The following CHSY3 variants were observed in gnomAD, a reference collection of about 807,000 sequenced individuals.
CHSY3 encodes the protein chondroitin sulfate synthase 3.
In CHSY3, 35 loss-of-function variants were observed where a neutral mutation model predicts 67.2. The observed-to-expected ratio is 0.52, with a 90% CI of 0.40 to 0.69. CHSY3 has a LOEUF of 0.69. Among genes scored for constraint, CHSY3 ranks in the 30% least tolerant of loss-of-function variants. The pLI is 0.00. For synonymous variants in CHSY3, 474 were observed against 434.7 expected (o/e 1.09, Z -1.12); for missense variants, 1,069 against 1,138.5 (o/e 0.94, Z 0.88).
At chr5:130,178,533 T>G (rs1476182031) in intron 2 of CHSY3, among the ~76,000 whole-genome samples, 5 of 152,012 alleles carry the variant, frequency 3.3e-5, no homozygotes, top group Admixed American at 3.3e-4. Context: ...ATTACAGGCG[T>G]GAGCCACAGC....
At chr5:130,094,507 C>T (rs1766984353) in intron 2 of CHSY3, among the ~76,000 whole-genome samples, 1 of 152,024 alleles carries the variant, frequency 6.6e-6, no homozygotes, top group South Asian at 2.1e-4. Context: ...GAAGTAAAAG[C>T]TTGTTTTTGT....
chr5:130,130,148 T>C, intron 2 of CHSY3, among the ~76,000 whole-genome samples: 1 of 152,254 alleles, frequency 6.6e-6, no homozygotes, highest in South Asian at 2.1e-4. Context: ...ATATATATTT[T>C]TAATTTGCAT....
chr5:129,952,379 T>G (rs940957859), intron 2 of CHSY3, among the ~76,000 whole-genome samples: 3 of 152,198 alleles, frequency 2.0e-5, no homozygotes, highest in African/African-American at 7.2e-5. Flanking sequence ...TCAAATATGC[T>G]TTTTATTAAT....
intron 2 of CHSY3, among the ~76,000 whole-genome samples, chr5:129,936,823 A>T (rs1054339255): frequency 6.6e-6 from 1 of 152,208 alleles, no homozygotes; most frequent in African/African-American, 2.4e-5. Flanking sequence ...GTTGCCCTGC[A>T]TTCTGGCCAT....
chr5:130,077,811 A>G (rs1309460008), intron 2 of CHSY3, among the ~76,000 whole-genome samples: 1 of 150,836 alleles, frequency 6.6e-6, no homozygotes, highest in African/African-American at 2.5e-5. Context: ...ATATATATAT[A>G]CACACATATA....
intron 2 of CHSY3, among the ~76,000 whole-genome samples, chr5:130,151,721 G>A (rs1334528648): frequency 1.3e-5 from 2 of 152,078 alleles, no homozygotes; most frequent in East Asian, 3.9e-4. Context: ...AAAACTACCA[G>A]ATCTTATGAG....
intron 2 of CHSY3, among the ~76,000 whole-genome samples, chr5:130,030,968 T>C (rs1040667114): frequency 1.3e-5 from 2 of 152,106 alleles, no homozygotes; most frequent in African/African-American, 4.8e-5. Flanking sequence ...AGTTTTTACT[T>C]TTTTTAATTT....
chr5:130,135,440 T>C (rs527355321), intron 2 of CHSY3, among the ~76,000 whole-genome samples: 1 of 152,268 alleles, frequency 6.6e-6, no homozygotes, highest in African/African-American at 2.4e-5. Context: ...AGGTTTATCC[T>C]TAGAAAATCA....
intron 2 of CHSY3, among the ~76,000 whole-genome samples, chr5:130,087,375 A>T (rs1237982067): frequency 6.6e-6 from 1 of 152,192 alleles, no homozygotes; most frequent in Non-Finnish European, 1.5e-5. Context: ...CAGGGCAATT[A>T]GGCAGGAGAA....
At chr5:130,069,338 T>C (rs765988300) in intron 2 of CHSY3, among the ~76,000 whole-genome samples, 17 of 151,958 alleles carry the variant, frequency 1.1e-4, no homozygotes, top group Non-Finnish European at 2.4e-4. Flanking sequence ...TCTTATGAAC[T>C]TAAATAAACC....
intron 2 of CHSY3, among the ~76,000 whole-genome samples, chr5:129,970,780 G>A (rs1762619976): frequency 6.6e-6 from 1 of 151,764 alleles, no homozygotes; most frequent in Admixed American, 6.6e-5. Context: ...AGCTACTCTA[G>A]GCTATAAAAC....
rs986615053 is a variant in CHSY3 at position 130,119,520 on chromosome 5, T to C, written c.1087-64709T>C. On this transcript the variant is annotated intron_variant, in intron 2 of 2. Coordinates refer to ENST00000305031, the MANE Select transcript of CHSY3 (RefSeq NM_175856.5). ...AGGGAGGAGCTCCCCATGGCCACTT[T>C]TTCCCTCTCCCACTGGCAGCAGCAC... Among the ~76,000 whole-genome samples, 4 of 152,056 alleles carry C rather than the reference T, an allele frequency of 2.6e-5. No individual in the cohort carries two copies. In the South Asian group the frequency reaches 8.3e-4, roughly 32 times the overall value.
chr5:130,004,312 T>C lies in CHSY3; in HGVS notation c.1086+95952T>C, dbSNP rs538068601. On this transcript the variant is annotated intron_variant, in intron 2 of 2. Transcript: ENST00000305031. ...CTGCTGAGTGGCAAATAATGAATAATGCAATGTCTTTCTTTAAATAAGCTT... is the reference window on the plus strand; with the variant it reads ...CTGCTGAGTGGCAAATAATGAATAACGCAATGTCTTTCTTTAAATAAGCTT... 1.6e-4 allele frequency among the ~76,000 whole-genome samples: 25 copies of C among 152,328 alleles called. No individual in the cohort carries two copies. In the South Asian group the frequency reaches 2.5e-3, roughly 15 times the overall value.
chr5:130,083,853 T>C (rs1281703630), intron 2 of CHSY3, among the ~76,000 whole-genome samples: 1 of 151,994 alleles, frequency 6.6e-6, no homozygotes, highest in East Asian at 1.9e-4. Context: ...TATACATTTT[T>C]TTTTTGGACT....
chr5:130,178,249 A>ATTTTTTTTTTTTTTTT (rs1253548592), intron 2 of CHSY3, among the ~76,000 whole-genome samples: 2 of 68,534 alleles, frequency 2.9e-5, no homozygotes, highest in Non-Finnish European at 5.0e-5. Context: ...ATATATATAT[A>ATTTTTTTTTTTTTTTT]TATATTTTTT....
At chr5:130,005,784 TTC>T in intron 2 of CHSY3, among the ~76,000 whole-genome samples, 1 of 152,380 alleles carries the variant, frequency 6.6e-6, no homozygotes, top group South Asian at 2.1e-4. Flanking sequence ...TTGAATGTCA[TTC>T]TGTCTGAAAT....
In CHSY3 at chr5:129,908,379, T is replaced by C. The variant is rs746041794; in HGVS notation, c.1086+19T>C. ...TTACGAGGTAAGCATGGAGCTGTGA[T>C]GAAAATGTTCACATAGTACATATAC... On this transcript the variant is annotated intron_variant, in intron 2 of 2. Transcript: ENST00000305031. 6.8e-6 allele frequency: 11 copies of C among 1,612,078 alleles called. No individual in the cohort carries two copies. Among genetic ancestry groups the C allele is most frequent in the Non-Finnish European group, 9.3e-6 (11 of 1,178,502 alleles).
chr5:129,949,213 C>A (rs1761952984), intron 2 of CHSY3, among the ~76,000 whole-genome samples: 1 of 152,048 alleles, frequency 6.6e-6, no homozygotes, highest in South Asian at 2.1e-4. Context: ...TTCAATACTC[C>A]ATTGACAGCA....
rs1272140668 is a variant in CHSY3, at chr5:129,946,520, A to C, written c.1086+38160A>C. Among the ~76,000 whole-genome samples, 3 of 152,312 alleles carry C rather than the reference A, an allele frequency of 2.0e-5. No individual in the cohort carries two copies. In the South Asian group the frequency reaches 6.2e-4, roughly 32 times the overall value. On this transcript the variant is annotated intron_variant, in intron 2 of 2. Coordinates refer to ENST00000305031, the MANE Select transcript of CHSY3 (RefSeq NM_175856.5). ...ATCTATAATTTCCATACACTAAAAA[A>C]ACTATAGTTACTATGCTATACATTA...
Sources: allele counts gnomAD v4.1 joint callset (sites outside exome capture counted in the v4.1 genomes callset), GRCh38; gene constraint gnomAD v4.1.1; transcripts MANE v1.5; gene names NCBI Gene and HGNC (gene_info 2026-07-23, HGNC 2026-07-21).